WIPF2: variants seen among roughly 807,000 people sequenced by gnomAD.
WIPF2 encodes WAS/WASL interacting protein family member 2.
A neutral mutation model predicts 38.8 loss-of-function variants in WIPF2; 23 were observed. The observed-to-expected ratio is 0.59, with a 90% CI of 0.43 to 0.84. The LOEUF (loss-of-function observed/expected upper bound fraction) is 0.84. WIPF2 is among the 40% of genes least tolerant of loss of function. The probability of loss-of-function intolerance (pLI) is 0.00; values close to 1 mark genes in which losing one functional copy is unlikely to be tolerated. For synonymous variants in WIPF2, 210 were observed against 223.2 expected (o/e 0.94, Z 0.53); for missense variants, 574 against 580.5 (o/e 0.99, Z 0.11).
At chr17:40,277,914 C>T (rs1203660022) in intron 7 of WIPF2, among the ~76,000 whole-genome samples, 3 of 151,886 alleles carry the variant, frequency 2.0e-5, no homozygotes, top group African/African-American at 4.8e-5. Flanking sequence ...TTAGTAGAGA[C>T]TGGGTTTTGC....
intron 2 of WIPF2, 75 bp downstream of exon 2, chr17:40,256,597 T>C: frequency 1.3e-6 from 2 of 1,506,918 alleles, no homozygotes; most frequent in Non-Finnish European, 1.8e-6. Context: ...ACTTTTTTTT[T>C]CTTTTAACTC....
At chr17:40,273,409 G>A (rs1048276488) in intron 5 of WIPF2, among the ~76,000 whole-genome samples, 1 of 152,210 alleles carries the variant, frequency 6.6e-6, no homozygotes, top group Non-Finnish European at 1.5e-5. Context: ...GGAGGTTGGT[G>A]AGTTGGTGTT....
At chr17:40,224,538 G>A (rs2030400565) in intron 1 of WIPF2, among the ~76,000 whole-genome samples, 1 of 150,864 alleles carries the variant, frequency 6.6e-6, no homozygotes, top group South Asian at 2.1e-4. Flanking sequence ...GAGCCACCGC[G>A]CCCGGCCCAG....
chr17:40,255,618 C>T (rs919154589), intron 1 of WIPF2, among the ~76,000 whole-genome samples: 6 of 151,466 alleles, frequency 4.0e-5, no homozygotes, highest in Admixed American at 4.0e-4. Context: ...AGCCACCGTG[C>T]CCGGCCTAAA....
chr17:40,227,804 G>A (rs1260263836), intron 1 of WIPF2, among the ~76,000 whole-genome samples: 1 of 151,906 alleles, frequency 6.6e-6, no homozygotes, highest in Non-Finnish European at 1.5e-5. Flanking sequence ...AGCTAAAATT[G>A]TGCCACTGCA....
intron 5 of WIPF2, 94 bp from the exon 6 acceptor site, chr17:40,273,696 G>A: frequency 2.6e-6 from 2 of 781,414 alleles, no homozygotes; most frequent in East Asian, 5.2e-5. Flanking sequence ...GAGCCTCTGT[G>A]GGGTGTGTTA....
At chr17:40,228,047 G>A (rs1440099982) in intron 1 of WIPF2, among the ~76,000 whole-genome samples, 4 of 100,380 alleles carry the variant, frequency 4.0e-5, no homozygotes, top group Non-Finnish European at 7.1e-5. Context: ...ACGGAGTCTC[G>A]CTCTGTCGCC....
In WIPF2 at chr17:40,278,656, A is replaced by C. The variant is rs917457149; in HGVS notation, c.*431A>C. The C allele has an allele frequency of 1.2e-5, 2 of 162,234 alleles. No individual in the cohort carries two copies. The highest frequency in any genetic ancestry group is 4.8e-5 in the African/African-American group (2 of 41,722). The allele number at this position is 162,234 out of a possible 1,614,324, so 10.0% of individuals were successfully genotyped here. On this transcript the variant is annotated 3_prime_UTR_variant, in exon 8 of 8. Coordinates refer to ENST00000323571, the MANE Select transcript of WIPF2 (RefSeq NM_133264.5). ...CATCATTTAGGAGGCTGGCATGACCAGGACTTATGGGTGGGAGGGGAGCAT... is the reference window on the plus strand; with the variant it reads ...CATCATTTAGGAGGCTGGCATGACCCGGACTTATGGGTGGGAGGGGAGCAT...
chr17:40,259,021 A>G (rs1388163807), intron 2 of WIPF2, among the ~76,000 whole-genome samples: 5 of 145,584 alleles, frequency 3.4e-5, no homozygotes, highest in Non-Finnish European at 7.5e-5. Context: ...TCTGTCTCAA[A>G]AAAAAAAAAA....
chr17:40,245,371 C>A (rs979003537), intron 1 of WIPF2, among the ~76,000 whole-genome samples: 5 of 149,954 alleles, frequency 3.3e-5, no homozygotes, highest in Non-Finnish European at 3.0e-5. Flanking sequence ...GAGATGGAGT[C>A]CCGTTCTGTC....
chr17:40,262,948 G>A (rs752567037), intron 4 of WIPF2, among the ~76,000 whole-genome samples: 37 of 152,254 alleles, frequency 2.4e-4, no homozygotes, highest in Middle Eastern at 6.8e-3. Context: ...AATAAGCCAG[G>A]CACAAAAACA....
At chr17:40,277,552 A>G (rs1006429736) in intron 7 of WIPF2, among the ~76,000 whole-genome samples, 3 of 151,584 alleles carry the variant, frequency 2.0e-5, no homozygotes, top group Non-Finnish European at 2.9e-5. Flanking sequence ...GTGGTGGCAC[A>G]CACCTGTAGT....
intron 1 of WIPF2, among the ~76,000 whole-genome samples, chr17:40,233,956 G>A (rs1228386815): frequency 6.6e-6 from 1 of 152,134 alleles, no homozygotes; most frequent in African/African-American, 2.4e-5. Context: ...TCAGCTACTC[G>A]GGAGGATGAG....
chr17:40,278,162 G>A, intron 7 of WIPF2, 23 bp from the exon 8 acceptor site: 2 of 1,609,258 alleles, frequency 1.2e-6, no homozygotes, highest in Non-Finnish European at 1.7e-6. Context: ...TATGTGTGTG[G>A]TCTTTATTTT....
At chr17:40,274,050 A>T (rs763837475) in intron 6 of WIPF2, 51 bp downstream of exon 6, 3 of 1,426,868 alleles carry the variant, frequency 2.1e-6, no homozygotes, top group Non-Finnish European at 2.8e-6. Flanking sequence ...GACTTCACCC[A>T]CTCCAGTGCC....
intron 1 of WIPF2, chr17:40,220,600 TATATATATATATATATATGTATATATATA>T (rs1567705802): frequency 1.7e-4 from 15 of 86,504 alleles, no homozygotes; most frequent in Admixed American, 6.0e-4. Context: ...TATATATATA[TATATATATATATATATATGTATATATATA>T]TATTTTTTTG....
chr17:40,220,573 G>GTGTGTGTGTATA (rs1431477384), intron 1 of WIPF2: 1 of 77,108 alleles, frequency 1.3e-5, no homozygotes, highest in African/African-American at 5.1e-5. Flanking sequence ...GTGTGTGTGT[G>GTGTGTGTGTATA]TATATATATA....
intron 1 of WIPF2, among the ~76,000 whole-genome samples, chr17:40,247,980 CTT>C (rs2031426660): frequency 6.6e-6 from 1 of 151,972 alleles, no homozygotes; most frequent in African/African-American, 2.4e-5. Flanking sequence ...TTGCAATTGT[CTT>C]TGGTTTCTTG....
At position 40,219,481 on chromosome 17, in the gene WIPF2, A is replaced by G. The variant is rs2030072759; in HGVS notation, c.-81A>G. Reference sequence around the variant, plus strand: ...GCGGCAGAGGATTCGCTCCCAGAGCAGCTGCGGCCAGGTCGGAAAGAGGCC... The same window carrying G: ...GCGGCAGAGGATTCGCTCCCAGAGCGGCTGCGGCCAGGTCGGAAAGAGGCC... On this transcript the variant is annotated 5_prime_UTR_variant, in exon 1 of 8. Transcript: ENST00000323571. The G allele has an allele frequency of 5.5e-6, 1 of 183,192 alleles. No homozygotes were observed. Among genetic ancestry groups the G allele is most frequent in the Non-Finnish European group, 1.1e-5 (1 of 88,030 alleles). The allele number at this position is 183,192 out of a possible 1,614,324, so 11.3% of individuals were successfully genotyped here.
Sources: gnomAD v4.1 joint callset for allele counts (sites outside exome capture counted in the v4.1 genomes callset) on GRCh38, gnomAD v4.1.1 for gene constraint, MANE v1.5 for transcripts, NCBI Gene and HGNC (gene_info 2026-07-23, HGNC 2026-07-21) for gene names.